COL21A1: variants seen among roughly 807,000 people sequenced by gnomAD.
COL21A1 encodes the protein collagen alpha-1(XXI) chain.
A neutral mutation model predicts 137.9 loss-of-function variants in COL21A1; 149 were observed. The observed-to-expected ratio is 1.08, with a 90% CI of 0.95 to 1.24. The LOEUF (loss-of-function observed/expected upper bound fraction) is 1.24, where lower values mean the gene tolerates loss of function less well. COL21A1 is among the 50% of genes most tolerant of loss of function. COL21A1 has a pLI of 0.00. For missense variants in COL21A1, 1,167 were observed against 1,158.4 expected (o/e 1.01, Z -0.11); for synonymous variants, 456 against 391.5 (o/e 1.16, Z -1.95).
At chr6:56,251,387 C>A (rs2152329166), upstream of COL21A1, among the ~76,000 whole-genome samples, 1 of 152,264 alleles carries the variant, frequency 6.6e-6, no homozygotes, top group South Asian at 2.1e-4. Flanking sequence ...TCATTATATT[C>A]CCATGGGAAC....
At chr6:56,160,598 T>G (rs2152263836) in intron 9 of COL21A1, among the ~76,000 whole-genome samples, 1 of 152,358 alleles carries the variant, frequency 6.6e-6, no homozygotes, top group Non-Finnish European at 1.5e-5. Context: ...CACCTTATTC[T>G]AATTTAGTTG....
chr6:56,132,197 T>C (rs12215913), intron 12 of COL21A1, among the ~76,000 whole-genome samples: 22,723 of 151,684 alleles, frequency 0.15, 1,738 homozygotes, highest in Middle Eastern at 0.22. Context: ...GGATAATGTT[T>C]GGGACTAATA....
chr6:56,319,592 C>T (rs985285030), intron 1 of COL21A1, among the ~76,000 whole-genome samples: 1 of 152,122 alleles, frequency 6.6e-6, no homozygotes, highest in Admixed American at 6.5e-5. Flanking sequence ...CCTACCCTGG[C>T]CCCCCAAAGT....
chr6:56,135,962 T>C lies in COL21A1; in HGVS notation c.1542+5823A>G, dbSNP rs183728677. Among the ~76,000 whole-genome samples, 8 of 152,286 alleles carry C rather than the reference T, an allele frequency of 5.3e-5. No homozygotes were observed. The East Asian group carries it at 1.3e-3, about 26-fold the overall frequency. On this transcript the variant is annotated intron_variant, in intron 12 of 29. Coordinates refer to ENST00000244728, the MANE Select transcript of COL21A1 (RefSeq NM_030820.4). The stretch of plus-strand genomic sequence containing the variant: ...ACAATTCATCCTTAACTCATTCCTA[T>C]TTTTTTCTCGGTACAACTACTATTT...
chr6:56,059,191 C>T lies in COL21A1; in HGVS notation c.2660G>A (p.Gly887Glu). ...EKGSQGFGYP[G>E]EQGPPGPPGP... Reference sequence around the variant, plus strand: ...TGGGGGACCAGGAGGACCTTGTTCTCCAGGATACCCAAACCCTTGGCTCCC... The same window carrying T: ...TGGGGGACCAGGAGGACCTTGTTCTTCAGGATACCCAAACCCTTGGCTCCC... Residue 887 changes from glycine to glutamate, a missense_variant, in exon 29 of 30, where the codon GGA becomes GAA. Coordinates refer to ENST00000244728, the MANE Select transcript of COL21A1 (RefSeq NM_030820.4). 6.2e-7 allele frequency: 1 copy of T among 1,611,692 alleles called. No homozygotes were observed. The highest frequency in any genetic ancestry group is 1.1e-5 in the South Asian group (1 of 90,688).
At chr6:56,168,771 C>A (rs1018243923) in intron 5 of COL21A1, among the ~76,000 whole-genome samples, 9 of 151,908 alleles carry the variant, frequency 5.9e-5, no homozygotes, top group South Asian at 2.1e-4. Context: ...CTCAACCTAC[C>A]CTTTAATGAG....
chr6:56,068,157 G>A (rs1374992555), intron 22 of COL21A1, among the ~76,000 whole-genome samples: 1 of 151,594 alleles, frequency 6.6e-6, no homozygotes, highest in Non-Finnish European at 1.5e-5. Context: ...TTCTGTCTCA[G>A]CTAGTGCTGC....
At chr6:56,226,210 T>C (rs1781180078) in intron 1 of COL21A1, among the ~76,000 whole-genome samples, 1 of 151,972 alleles carries the variant, frequency 6.6e-6, no homozygotes, top group Admixed American at 6.6e-5. Context: ...ACCTACAGGG[T>C]AGCTTTTACA....
chr6:56,187,969 T>C (rs1471236981), intron 1 of COL21A1, among the ~76,000 whole-genome samples: 1 of 152,136 alleles, frequency 6.6e-6, no homozygotes, highest in African/African-American at 2.4e-5. Flanking sequence ...TTTTTTTAAA[T>C]GAGTAAAAGG....
chr6:56,179,594 C>A lies in COL21A1; in HGVS notation c.624G>T (p.Lys208Asn). The A allele has an allele frequency of 1.2e-6, 2 of 1,604,500 alleles. No homozygotes were observed. Among genetic ancestry groups the A allele is most frequent in the Non-Finnish European group, 1.7e-6 (2 of 1,173,190 alleles). Residue 208 changes from lysine to asparagine, a missense_variant, in exon 3 of 30, where the codon AAG becomes AAT. Lys to Asn is a moderately conservative substitution (Grantham distance 94, BLOSUM62 0). Coordinates refer to ENST00000244728, the MANE Select transcript of COL21A1 (RefSeq NM_030820.4). ...IAISKIREVM[K>N]QKLCEESVCP... ...AAGGCTTACCTTCACAAAGTTTCTGCTTCATCACTTCCCTTATTTTGGATA... is the reference window on the plus strand; with the variant it reads ...AAGGCTTACCTTCACAAAGTTTCTGATTCATCACTTCCCTTATTTTGGATA...
chr6:56,276,803 T>TC, intron 1 of COL21A1: 1 of 879,608 alleles, frequency 1.1e-6, no homozygotes, highest in South Asian at 1.5e-5. Flanking sequence ...GTTGTGTTTT[T>TC]TTTGTTTTTT....
At chr6:56,245,510 G>A (rs1782589972) in intron 1 of COL21A1, among the ~76,000 whole-genome samples, 2 of 152,136 alleles carry the variant, frequency 1.3e-5, no homozygotes, top group Non-Finnish European at 2.9e-5. Flanking sequence ...GGTGGTTGAG[G>A]ATTATGTTGT....
intron 17 of COL21A1, among the ~76,000 whole-genome samples, chr6:56,081,739 T>C (rs969872176): frequency 2.6e-5 from 4 of 151,886 alleles, no homozygotes; most frequent in Non-Finnish European, 5.9e-5. Flanking sequence ...ATGCTGTAAT[T>C]AATCTTTAAG....
chr6:56,223,042 CAA>C (rs3065976), intron 1 of COL21A1, among the ~76,000 whole-genome samples: 101,425 of 149,314 alleles, frequency 0.68, 34,812 homozygotes, highest in East Asian at 0.86. Flanking sequence ...CTATTCAGAA[CAA>C]AAAAAAAAAA....
At chr6:56,150,165 A>C (rs1775179972) in intron 10 of COL21A1, among the ~76,000 whole-genome samples, 1 of 152,152 alleles carries the variant, frequency 6.6e-6, no homozygotes, top group African/African-American at 2.4e-5. Flanking sequence ...TATGAGGTTT[A>C]ATGCTCCATA....
At chr6:56,287,384 G>T (rs4128442) in intron 1 of COL21A1, among the ~76,000 whole-genome samples, 25,881 of 152,122 alleles carry the variant, frequency 0.17, 2,589 homozygotes, top group Non-Finnish European at 0.22. Context: ...ATCTCATGTT[G>T]AATTGTAATC....
At chr6:56,236,918 T>A (rs1171593991) in intron 1 of COL21A1, among the ~76,000 whole-genome samples, 1 of 152,054 alleles carries the variant, frequency 6.6e-6, no homozygotes, top group Non-Finnish European at 1.5e-5. Context: ...ATTTGGGAGT[T>A]CCTGGTGGTG....
At position 56,122,042 on chromosome 6, in the gene COL21A1, A is replaced by G. The variant is rs138647942; in HGVS notation, c.1758+2020T>C. On this transcript the variant is annotated intron_variant, in intron 16 of 29. Transcript: ENST00000244728. ...ACCTCAAAATGTTGAACCAAGTGATATATTCCTACAATAAAATACTATTAG... is the reference window on the plus strand; with the variant it reads ...ACCTCAAAATGTTGAACCAAGTGATGTATTCCTACAATAAAATACTATTAG... Among the ~76,000 whole-genome samples the G allele has an allele frequency of 3.7e-3, 560 of 152,314 alleles. 6 individuals carry two copies. The highest frequency in any genetic ancestry group is 0.013 in the African/African-American group (533 of 41,558).
intron 1 of COL21A1, among the ~76,000 whole-genome samples, chr6:56,288,674 A>T (rs1297901258): frequency 6.6e-6 from 1 of 152,206 alleles, no homozygotes; most frequent in East Asian, 1.9e-4. Flanking sequence ...AGAGTATACA[A>T]GCCAAAACCA....
Sources: allele counts gnomAD v4.1 joint callset (sites outside exome capture counted in the v4.1 genomes callset), GRCh38; gene constraint gnomAD v4.1.1; transcripts MANE v1.5; gene names NCBI Gene and HGNC (gene_info 2026-07-23, HGNC 2026-07-21).